The following GRB2 variants were observed in gnomAD, a reference collection of about 807,000 sequenced individuals.
GRB2 encodes growth factor receptor-bound protein 2.
In GRB2, 2 loss-of-function variants were observed where a neutral mutation model predicts 27.4. That is an observed-to-expected ratio of 0.07 (90% CI 0.03 to 0.23). GRB2 has a LOEUF of 0.23. GRB2 is among the 10% of genes least tolerant of loss of function. The pLI, the probability that GRB2 is intolerant of heterozygous loss-of-function variation, is 1.00. For missense variants in GRB2, 102 were observed against 282.4 expected (o/e 0.36, Z 4.58); for synonymous variants, 94 against 99.6 (o/e 0.94, Z 0.33).
chr17:75,378,797 G>A (rs2078910403), intron 2 of GRB2, among the ~76,000 whole-genome samples: 1 of 152,104 alleles, frequency 6.6e-6, no homozygotes, highest in Non-Finnish European at 1.5e-5. Context: ...AGGCTTGTAC[G>A]GTCTACCAGT....
chr17:75,348,881 G>A (rs1358126436), intron 2 of GRB2, among the ~76,000 whole-genome samples: 1 of 152,126 alleles, frequency 6.6e-6, no homozygotes, highest in African/African-American at 2.4e-5. Context: ...TTCCCATGTT[G>A]TCCAGGCTGG....
intron 2 of GRB2, among the ~76,000 whole-genome samples, chr17:75,362,870 C>A (rs752121788): frequency 6.6e-6 from 1 of 152,074 alleles, no homozygotes; most frequent in Non-Finnish European, 1.5e-5. Flanking sequence ...ATACTGACAG[C>A]CAAATAAAGT....
chr17:75,334,150 G>A (rs919821328), intron 2 of GRB2, among the ~76,000 whole-genome samples: 6 of 151,732 alleles, frequency 4.0e-5, no homozygotes, highest in Admixed American at 1.3e-4. Flanking sequence ...ATACCTATAC[G>A]TTTTATTTTT....
At chr17:75,389,072 T>C (rs1328101812) in intron 2 of GRB2, among the ~76,000 whole-genome samples, 1 of 152,124 alleles carries the variant, frequency 6.6e-6, no homozygotes, top group Admixed American at 6.6e-5. Flanking sequence ...CCTTGCCCCC[T>C]TGCAATTCTT....
chr17:75,361,389 C>T (rs527501454), intron 2 of GRB2, among the ~76,000 whole-genome samples: 1 of 152,236 alleles, frequency 6.6e-6, no homozygotes, highest in Admixed American at 6.5e-5. Flanking sequence ...AAAAATAGGA[C>T]AAGATGGTCT....
chr17:75,362,112 C>T (rs56101209), intron 2 of GRB2, among the ~76,000 whole-genome samples: 238 of 30,294 alleles, frequency 7.9e-3, no homozygotes, highest in Non-Finnish European at 0.033. Flanking sequence ...CATTCATCAC[C>T]CTCAGGCCCA....
At position 75,332,703 on chromosome 17, in the gene GRB2, T is replaced by C. The variant is rs754676096; in HGVS notation, c.173A>G (p.His58Arg). ...AGACTAATGGAGCTTAACTTACGGATGTGGTTTCATTTCTATGTAGTTCTT... is the reference window on the plus strand; with the variant it reads ...AGACTAATGGAGCTTAACTTACGGACGTGGTTTCATTTCTATGTAGTTCTT... The part of the protein sequence containing the change: ...IPKNYIEMKP[H>R]PWFFGKIPRA... Residue 58 changes from histidine (H) to arginine (R), a missense_variant, in exon 3 of 6, where the codon CAT becomes CGT. Around this residue, in one of 3 missense-constraint regions of GRB2, gnomAD observed 45 missense variants for 110.6 expected, o/e 0.41. Transcript: ENST00000316804. The C allele has an allele frequency of 2.5e-6, 4 of 1,588,374 alleles. No homozygotes were observed. Among genetic ancestry groups the C allele is most frequent in the East Asian group, 2.2e-5 (1 of 44,616 alleles).
rs781543519 is a variant in GRB2 at position 75,320,880 on chromosome 17, C to A, written c.469-327G>T. On this transcript the variant is annotated intron_variant, in intron 5 of 5. Transcript: ENST00000316804. The surrounding 1 kb of genome is among the most constrained non-coding windows in gnomAD (Gnocchi z 4.3). Reference sequence around the variant, plus strand: ...CAGAAACAGCCATCTGTGTTTAGGCCGTGGGCCCAGAATCGCAAATCCCTT... The same window carrying A: ...CAGAAACAGCCATCTGTGTTTAGGCAGTGGGCCCAGAATCGCAAATCCCTT... Among the ~76,000 whole-genome samples the A allele has an allele frequency of 6.6e-6, 1 of 152,058 alleles. No homozygotes were observed. Among genetic ancestry groups the A allele is most frequent in the African/African-American group, 2.4e-5 (1 of 41,398 alleles).
At chr17:75,330,471 C>T (rs1169090103) in intron 3 of GRB2, among the ~76,000 whole-genome samples, 1 of 149,020 alleles carries the variant, frequency 6.7e-6, no homozygotes, top group Non-Finnish European at 1.5e-5. Context: ...GCCAAGAGCT[C>T]GAGATCAGCT....
At chr17:75,376,008 G>GAC in intron 2 of GRB2, among the ~76,000 whole-genome samples, 1 of 123,604 alleles carries the variant, frequency 8.1e-6, no homozygotes, top group East Asian at 2.6e-4. Flanking sequence ...CTGGGCGACA[G>GAC]AGCAAGACTC....
intron 2 of GRB2, among the ~76,000 whole-genome samples, chr17:75,368,026 T>A (rs529631970): frequency 1.3e-5 from 2 of 151,814 alleles, no homozygotes; most frequent in African/African-American, 4.8e-5. Context: ...ACGATTCTCA[T>A]GCCTCAGCCT....
intron 2 of GRB2, among the ~76,000 whole-genome samples, chr17:75,384,262 TAAG>T (rs1263534620): frequency 6.6e-6 from 1 of 152,216 alleles, no homozygotes; most frequent in Non-Finnish European, 1.5e-5. Flanking sequence ...TCTCAACGCT[TAAG>T]AAACAAAACC....
In GRB2 at chr17:75,326,015, A is replaced by C. The variant is rs1300552478; in HGVS notation, c.182T>G (p.Phe61Cys). The C allele has an allele frequency of 6.2e-7, 1 of 1,614,010 alleles. No individual in the cohort carries two copies. Among genetic ancestry groups the C allele is most frequent in the Non-Finnish European group, 8.5e-7 (1 of 1,180,032 alleles). Residue 61 changes from phenylalanine (F) to cysteine (C), a missense_variant, in exon 4 of 6, where the codon TTT (phenylalanine) becomes TGT (cysteine). Physicochemically the swap from Phe to Cys is radical, Grantham distance 205. Around this residue, in one of 3 missense-constraint regions of GRB2, gnomAD observed 45 missense variants for 110.6 expected, o/e 0.41. Coordinates refer to ENST00000316804, the MANE Select transcript of GRB2 (RefSeq NM_002086.5). ...NYIEMKPHPWFFGKIPRAKAE... is the reference protein window; with the variant it reads ...NYIEMKPHPWCFGKIPRAKAE... Reference sequence around the variant, plus strand: ...CTTGGCTCTGGGGATTTTGCCAAAAAACCACCTAAGGAAGGAAGGCAAGCT... The same window carrying C: ...CTTGGCTCTGGGGATTTTGCCAAAACACCACCTAAGGAAGGAAGGCAAGCT...
At chr17:75,339,627 T>C (rs1239383824) in intron 2 of GRB2, among the ~76,000 whole-genome samples, 7 of 148,210 alleles carry the variant, frequency 4.7e-5, no homozygotes, top group African/African-American at 1.3e-4. Context: ...TTCTTTCTTT[T>C]TTTTTTTTTT....
chr17:75,345,035 T>A (rs9911119), intron 2 of GRB2, among the ~76,000 whole-genome samples: 92,033 of 151,804 alleles, frequency 0.61, 32,731 homozygotes, highest in East Asian at 0.87. Flanking sequence ...GGTTTTTTTT[T>A]AAATTTTATT....
At chr17:75,328,191 G>C (rs1391351824) in intron 3 of GRB2, among the ~76,000 whole-genome samples, 3 of 151,788 alleles carry the variant, frequency 2.0e-5, no homozygotes, top group African/African-American at 7.3e-5. Context: ...GGGCACAGTG[G>C]TGGGCACCTG....
chr17:75,324,531 TTTTTGGAGACAGAG>T (rs2078485264), intron 4 of GRB2, among the ~76,000 whole-genome samples: 3 of 91,786 alleles, frequency 3.3e-5, no homozygotes, highest in African/African-American at 1.0e-4. Context: ...TTTTTTTTTT[TTTTTGGAGACAGAG>T]TTTTGCTCTT....
chr17:75,392,048 C>G (rs979143643), intron 2 of GRB2, among the ~76,000 whole-genome samples: 1 of 152,070 alleles, frequency 6.6e-6, no homozygotes, highest in Non-Finnish European at 1.5e-5. Flanking sequence ...ATTTGAGTAG[C>G]CCATCTTATA....
intron 2 of GRB2, among the ~76,000 whole-genome samples, chr17:75,367,063 C>T (rs2078824541): frequency 1.3e-5 from 2 of 152,112 alleles, no homozygotes; most frequent in African/African-American, 2.4e-5. Context: ...TAGGGCCACA[C>T]TATTCTTACG....
Sources: gnomAD v4.1 joint callset for allele counts (sites outside exome capture counted in the v4.1 genomes callset) on GRCh38, gnomAD v4.1.1 for gene constraint, gnomAD v4.1.1 regional missense constraint, Gnocchi (gnomAD v3.1) non-coding constraint, MANE v1.5 for transcripts, NCBI Gene and HGNC (gene_info 2026-07-23, HGNC 2026-07-21) for gene names.